Variants in HSD17B12 observed in about 807,000 individuals in gnomAD.
HSD17B12 encodes the protein very-long-chain 3-oxoacyl-CoA reductase.
A neutral mutation model predicts 39.3 loss-of-function variants in HSD17B12; 32 were observed. That is an observed-to-expected ratio of 0.81 (90% CI 0.61 to 1.09). The LOEUF is 1.09. Ranked by LOEUF, HSD17B12 falls within the 50% of genes least tolerant of loss-of-function variation. The probability of loss-of-function intolerance (pLI) is 0.00; values close to 1 mark genes in which losing one functional copy is unlikely to be tolerated. For missense variants in HSD17B12, 342 were observed against 382.9 expected (o/e 0.89, Z 0.89); for synonymous variants, 150 against 146.7 (o/e 1.02, Z -0.16).
chr11:43,822,358 G>GT (rs1951191414), intron 6 of HSD17B12, among the ~76,000 whole-genome samples: 2 of 152,004 alleles, frequency 1.3e-5, no homozygotes, highest in South Asian at 4.2e-4. Flanking sequence ...TATACTTAAA[G>GT]TTTTAGGGTA....
At position 43,831,145 on chromosome 11, in the gene HSD17B12, C is replaced by T; in HGVS notation, c.536+135C>T. On this transcript the variant is annotated intron_variant, in intron 7 of 10. Transcript: ENST00000278353. The surrounding 1 kb of genome is among the most constrained non-coding windows in gnomAD (Gnocchi z 4.1). ...CATGTCTTAGCCACAGAGTGATGTA[C>T]CAGGCGAGTCACAGTAGAGCATGAG... The T allele has an allele frequency of 1.4e-6, 1 of 707,076 alleles. No homozygotes were observed. Among genetic ancestry groups the T allele is most frequent in the Non-Finnish European group, 2.3e-6 (1 of 435,864 alleles). 43.8% of individuals were successfully genotyped at this position (707,076 alleles called of 1,614,324 possible).
At chr11:43,773,034 G>A (rs184754072) in intron 3 of HSD17B12, among the ~76,000 whole-genome samples, 163 of 152,120 alleles carry the variant, frequency 1.1e-3, no homozygotes, top group Non-Finnish European at 1.8e-3. Flanking sequence ...TCACTTGAAC[G>A]TGAGAGGTGG....
the HSD17B12 span, among the ~76,000 whole-genome samples, chr11:43,587,571 A>G: frequency 6.6e-6 from 1 of 152,224 alleles, no homozygotes; most frequent in African/African-American, 2.4e-5. Flanking sequence ...AACTTAGTTA[A>G]TACTGCAAGT....
At chr11:43,638,605 A>G in the HSD17B12 span, among the ~76,000 whole-genome samples, 1 of 152,352 alleles carries the variant, frequency 6.6e-6, no homozygotes, top group Non-Finnish European at 1.5e-5. Flanking sequence ...AGAGCTTGGC[A>G]GCATTGATGG....
At chr11:43,775,515 A>G (rs1950691896) in intron 3 of HSD17B12, among the ~76,000 whole-genome samples, 1 of 152,106 alleles carries the variant, frequency 6.6e-6, no homozygotes, top group Non-Finnish European at 1.5e-5. Flanking sequence ...TCTTTTGTGA[A>G]CACAAAGTTT....
intron 1 of HSD17B12, among the ~76,000 whole-genome samples, chr11:43,723,113 A>G (rs913288871): frequency 6.6e-6 from 1 of 152,220 alleles, no homozygotes; most frequent in Non-Finnish European, 1.5e-5. Flanking sequence ...TTACTATTAA[A>G]AAAAGGTGGC....
At chr11:43,853,437 G>C (rs112425951) in intron 9 of HSD17B12, 5 of 149,682 alleles carry the variant, frequency 3.3e-5, no homozygotes, top group African/African-American at 1.2e-4. Context: ...ATCTCAATTT[G>C]ATTGAAATTT....
At chr11:43,822,950 C>T (rs10838181) in intron 6 of HSD17B12, among the ~76,000 whole-genome samples, 96,753 of 151,954 alleles carry the variant, frequency 0.64, 31,249 homozygotes, top group East Asian at 0.71. Flanking sequence ...TCCCACCAAC[C>T]GTGTGGAAGA....
chr11:43,845,717 A>G (rs1325883515), intron 9 of HSD17B12, among the ~76,000 whole-genome samples: 3 of 152,096 alleles, frequency 2.0e-5, no homozygotes. Context: ...TCTGCTCTTC[A>G]TTGGTGGCGA....
At chr11:43,739,990 AT>A (rs1190796204) in intron 1 of HSD17B12, among the ~76,000 whole-genome samples, 1 of 152,132 alleles carries the variant, frequency 6.6e-6, no homozygotes, top group Non-Finnish European at 1.5e-5. Flanking sequence ...TAGAGATTGA[AT>A]TGGAGAGGAG....
chr11:43,567,734 G>A, the HSD17B12 span, among the ~76,000 whole-genome samples: 1 of 152,206 alleles, frequency 6.6e-6, no homozygotes, highest in South Asian at 2.1e-4. Flanking sequence ...GGTTTCTTCT[G>A]CCTCTTTTAC....
At chr11:43,582,147 TCTC>T in the HSD17B12 span, among the ~76,000 whole-genome samples, 8 of 151,920 alleles carry the variant, frequency 5.3e-5, no homozygotes, top group East Asian at 3.9e-4. Flanking sequence ...GTCTCCCACA[TCTC>T]CTCTTTTTCA....
chr11:43,772,275 C>T (rs1208253363), intron 3 of HSD17B12, among the ~76,000 whole-genome samples: 6 of 152,094 alleles, frequency 3.9e-5, no homozygotes, highest in African/African-American at 1.2e-4. Flanking sequence ...TCATAAAATC[C>T]CCCTACTCCT....
Position 43,680,866 on chromosome 11 carries a change from G to C in HSD17B12, c.39G>C (p.Trp13Cys). Reference protein sequence around the residue: ...SALPAAGFLYWVGAGTVAYLA... With the variant: ...SALPAAGFLYCVGAGTVAYLA... ...TCCCCGCCGCCGGCTTCCTGTACTG[G>C]GTCGGCGCGGGCACCGTGGCCTACC... The change falls in exon 1 of 11, where the codon TGG becomes TGC. Residue 13 changes from tryptophan to cysteine, a missense_variant. By Grantham distance (215) the Trp-to-Cys change is radical (BLOSUM62 -2). Transcript: ENST00000278353. The C allele has an allele frequency of 6.2e-7, 1 of 1,614,132 alleles. No individual in the cohort carries two copies. Among genetic ancestry groups the C allele is most frequent in the Non-Finnish European group, 8.5e-7 (1 of 1,180,014 alleles).
chr11:43,729,303 G>A (rs886585576), intron 1 of HSD17B12, among the ~76,000 whole-genome samples: 18 of 152,160 alleles, frequency 1.2e-4, no homozygotes, highest in African/African-American at 3.6e-4. Flanking sequence ...GTTTAGTAGT[G>A]TCCTAATCTT....
chr11:43,814,949 T>C (rs943819042), intron 4 of HSD17B12, among the ~76,000 whole-genome samples: 3 of 152,188 alleles, frequency 2.0e-5, no homozygotes, highest in Non-Finnish European at 4.4e-5. Flanking sequence ...TTAAATGAGC[T>C]CTCATTCTGG....
chr11:43,571,628 T>C, the HSD17B12 span, among the ~76,000 whole-genome samples: 1 of 152,128 alleles, frequency 6.6e-6, no homozygotes, highest in African/African-American at 2.4e-5. Flanking sequence ...GCAGATATTG[T>C]CTCAACTGTT....
At chr11:43,575,203 C>T in the HSD17B12 span, among the ~76,000 whole-genome samples, 1 of 152,198 alleles carries the variant, frequency 6.6e-6, no homozygotes, top group Non-Finnish European at 1.5e-5. The surrounding 1 kb of genome is among the most constrained non-coding windows in gnomAD (Gnocchi z 4.1). Flanking sequence ...CGGATCATTG[C>T]TCTCTGGGAA....
At chr11:43,601,985 T>A in the HSD17B12 span, among the ~76,000 whole-genome samples, 1 of 152,344 alleles carries the variant, frequency 6.6e-6, no homozygotes, top group African/African-American at 2.4e-5. Context: ...TGCCCCTTTT[T>A]GAGCTTACAG....
Sources: gnomAD v4.1 joint callset for allele counts (sites outside exome capture counted in the v4.1 genomes callset) on GRCh38, gnomAD v4.1.1 for gene constraint, Gnocchi (gnomAD v3.1) non-coding constraint, MANE v1.5 for transcripts, NCBI Gene and HGNC (gene_info 2026-07-23, HGNC 2026-07-21) for gene names.